The following LCMT1 variants were observed in gnomAD, a reference collection of about 807,000 sequenced individuals.
The protein encoded by LCMT1 is [Phosphatase 2A protein]-leucine-carboxy methyltransferase 1.
LCMT1 carries 32 observed loss-of-function variants against 47.7 expected under a neutral mutation model. The ratio of observed to expected loss-of-function variants is 0.67; its 90% CI spans 0.51 to 0.90. The LOEUF is 0.90. LCMT1 is among the 40% of genes least tolerant of loss of function. The probability of loss-of-function intolerance (pLI) is 0.00; values close to 1 mark genes in which losing one functional copy is unlikely to be tolerated. For missense variants in LCMT1, 375 were observed against 415.2 expected (o/e 0.90, Z 0.84); for synonymous variants, 152 against 149.7 (o/e 1.02, Z -0.11).
At chr16:25,114,843 A>G (rs533000199) in intron 1 of LCMT1, among the ~76,000 whole-genome samples, 1 of 152,162 alleles carries the variant, frequency 6.6e-6, no homozygotes, top group East Asian at 1.9e-4. Flanking sequence ...GTCTCATTCC[A>G]TGGAGAGCCT....
In LCMT1 at chr16:25,164,601, G is replaced by T; in HGVS notation, c.573G>T (p.Leu191Phe). Residue 191 changes from leucine to phenylalanine, a missense_variant, in exon 7 of 11, where the codon TTG (leucine) becomes TTT (phenylalanine). By Grantham distance (22) the Leu-to-Phe change is conservative. Transcript: ENST00000399069. ...CCTTTTTTTCCTTATCTTTAAGATTGCCAACACTCCTGATAGCTGAATGTG... is the reference window on the plus strand; with the variant it reads ...CCTTTTTTTCCTTATCTTTAAGATTTCCAACACTCCTGATAGCTGAATGTG... ...KLKKCNMNTQLPTLLIAECVL... is the reference protein window; with the variant it reads ...KLKKCNMNTQFPTLLIAECVL... The T allele has an allele frequency of 6.2e-7, 1 of 1,613,794 alleles. No homozygotes were observed. The highest frequency in any genetic ancestry group is 8.5e-7 in the Non-Finnish European group (1 of 1,179,824).
In LCMT1 at chr16:25,136,572, C is replaced by CA. The variant is rs574680944; in HGVS notation, c.328-3598dup. Among the ~76,000 whole-genome samples the CA allele has an allele frequency of 1.4e-3, 206 of 152,052 alleles. 1 individual carries two copies. Among genetic ancestry groups the CA allele is most frequent in the African/African-American group, 4.8e-3 (199 of 41,468 alleles). On this transcript the variant is annotated intron_variant, in intron 3 of 10. Coordinates refer to ENST00000399069, the MANE Select transcript of LCMT1 (RefSeq NM_016309.3). ...TGGTTTACTGCACCCATCAACCCGT[C>CA]AGAGTCTCACTCTGTTGCCCAGGCT...
chr16:25,154,458 A>T (rs930728160), intron 5 of LCMT1, among the ~76,000 whole-genome samples: 6 of 145,090 alleles, frequency 4.1e-5, no homozygotes, highest in Non-Finnish European at 6.1e-5. Context: ...TTTTCAGTTT[A>T]TAGGAACGCT....
chr16:25,177,769 C>T (rs1408624309), intron 10 of LCMT1, among the ~76,000 whole-genome samples: 1 of 152,218 alleles, frequency 6.6e-6, no homozygotes, highest in African/African-American at 2.4e-5. Context: ...TAACTGCAGA[C>T]AGTCCATAAA....
chr16:25,149,642 A>G (rs905225520), intron 4 of LCMT1, among the ~76,000 whole-genome samples: 2 of 152,244 alleles, frequency 1.3e-5, no homozygotes, highest in Non-Finnish European at 2.9e-5. Context: ...GCCCAGGCAC[A>G]GTGGCTTATG....
chr16:25,168,069 GAC>G lies in LCMT1; in HGVS notation c.691-1041_691-1040del, dbSNP rs779328709. Reference sequence around the variant, plus strand: ...ACCGCACCCAGCCTTTTTTTTTTGAGACAGAGTCTCGCTCTGTCATCCAGGCT... The same window carrying G: ...ACCGCACCCAGCCTTTTTTTTTTGAGAGAGTCTCGCTCTGTCATCCAGGCT... On this transcript the variant is annotated intron_variant, in intron 7 of 10. Transcript: ENST00000399069. Among the ~76,000 whole-genome samples the G allele has an allele frequency of 3.6e-4, 53 of 148,400 alleles. No individual in the cohort carries two copies. The East Asian group carries it at 8.2e-3, about 23-fold the overall frequency.
At chr16:25,140,602 C>T (rs1960656294) in intron 4 of LCMT1, 2 of 219,178 alleles carry the variant, frequency 9.1e-6, no homozygotes, top group South Asian at 1.2e-4. Flanking sequence ...AAGAGGCTTG[C>T]AGAGATGTTT....
At chr16:25,136,034 T>C (rs1960493434) in intron 3 of LCMT1, among the ~76,000 whole-genome samples, 1 of 141,400 alleles carries the variant, frequency 7.1e-6, no homozygotes, top group African/African-American at 2.7e-5. Context: ...GAGACTGTAG[T>C]GAGCCAAGAT....
intron 4 of LCMT1, chr16:25,143,545 G>T (rs752850916): frequency 6.6e-6 from 1 of 152,094 alleles, no homozygotes; most frequent in Non-Finnish European, 1.5e-5. Context: ...TGTACAGGTA[G>T]GGAAACCCTT....
chr16:25,130,333 C>T (rs943229465), intron 2 of LCMT1, among the ~76,000 whole-genome samples: 9 of 88,472 alleles, frequency 1.0e-4, no homozygotes, highest in Non-Finnish European at 2.2e-4. Context: ...GAGCAATACT[C>T]CATCTCAAAA....
intron 1 of LCMT1, among the ~76,000 whole-genome samples, chr16:25,115,814 A>G (rs1348370941): frequency 6.6e-6 from 1 of 152,064 alleles, no homozygotes; most frequent in Non-Finnish European, 1.5e-5. Context: ...AGTAGCTGGG[A>G]CTACAGGTGC....
intron 1 of LCMT1, among the ~76,000 whole-genome samples, chr16:25,115,908 C>T (rs1031731818): frequency 2.6e-5 from 4 of 152,154 alleles, no homozygotes; most frequent in African/African-American, 9.7e-5. Flanking sequence ...GAATGCCTGA[C>T]CTCAGGTGAT....
chr16:25,177,278 A>C (rs1179442802), intron 10 of LCMT1, among the ~76,000 whole-genome samples: 1 of 152,220 alleles, frequency 6.6e-6, no homozygotes, highest in Non-Finnish European at 1.5e-5. Context: ...AAAGCTTCTA[A>C]AAAGTATGAC....
intron 3 of LCMT1, 46 bp from the exon 4 acceptor site, chr16:25,140,125 A>G: frequency 7.2e-7 from 1 of 1,389,006 alleles, no homozygotes; most frequent in East Asian, 2.4e-5. Context: ...GATGATCAGC[A>G]CATGTAAGAG....
chr16:25,116,508 A>G (rs1012288179), intron 1 of LCMT1, among the ~76,000 whole-genome samples: 1 of 151,994 alleles, frequency 6.6e-6, no homozygotes, highest in Non-Finnish European at 1.5e-5. Context: ...TGGCCTTCCT[A>G]TGGGTGCCAG....
chr16:25,148,302 A>T (rs1960936069), intron 4 of LCMT1: 2 of 152,366 alleles, frequency 1.3e-5, no homozygotes, highest in South Asian at 4.1e-4. Flanking sequence ...CAAAAAGGAA[A>T]AACAGATCAG....
chr16:25,141,102 T>C (rs998370315), intron 4 of LCMT1: 2 of 152,174 alleles, frequency 1.3e-5, no homozygotes, highest in East Asian at 1.9e-4. Context: ...TGGGATGTTA[T>C]GGGTTGGAAT....
intron 4 of LCMT1, among the ~76,000 whole-genome samples, chr16:25,150,285 C>G (rs991532849): frequency 1.4e-5 from 2 of 143,444 alleles, no homozygotes; most frequent in Admixed American, 7.0e-5. Context: ...AGCTGAGATT[C>G]AAACTGTGAC....
In LCMT1 at chr16:25,120,945, A is replaced by C. The variant is rs1317683978; in HGVS notation, c.114-7530A>C. On this transcript the variant is annotated intron_variant, in intron 1 of 10. Coordinates refer to ENST00000399069, the MANE Select transcript of LCMT1 (RefSeq NM_016309.3). ...GTATTTTTTTTTTTTTTTTTTGTAG[A>C]GACGGGGTTTTGCCGTGTTGCCTAG... 2.4e-5 allele frequency among the ~76,000 whole-genome samples: 3 copies of C among 125,062 alleles called. No homozygotes were observed. In the Admixed American group the frequency reaches 2.6e-4, roughly 11 times the overall value. The allele number at this position is 125,062 out of a possible 152,430, so 82.0% of individuals were successfully genotyped here.
Sources: allele counts gnomAD v4.1 joint callset (sites outside exome capture counted in the v4.1 genomes callset), GRCh38; gene constraint gnomAD v4.1.1; transcripts MANE v1.5; gene names NCBI Gene and HGNC (gene_info 2026-07-23, HGNC 2026-07-21).